RASSF5: variants seen among roughly 807,000 people sequenced by gnomAD.
RASSF5 encodes the protein ras association domain-containing protein 5.
A neutral mutation model predicts 40.5 loss-of-function variants in RASSF5; 25 were observed. The ratio of observed to expected loss-of-function variants is 0.62; its 90% CI spans 0.45 to 0.86. The LOEUF is 0.86. Ranked by LOEUF, RASSF5 falls within the 40% of genes least tolerant of loss-of-function variation. The pLI, the probability that RASSF5 is intolerant of heterozygous loss-of-function variation, is 0.00. For missense variants in RASSF5, 521 were observed against 572.8 expected, an observed-to-expected ratio of 0.91 and a Z score of 0.92; for synonymous variants, 246 against 252.4, an observed-to-expected ratio of 0.97 and a Z score of 0.24.
chr1:206,546,012 G>A (rs1459107011), intron 2 of RASSF5, among the ~76,000 whole-genome samples: 32 of 144,148 alleles, frequency 2.2e-4, no homozygotes, highest in African/African-American at 6.7e-4. Flanking sequence ...GTGCAGTGGC[G>A]CGATCTCGGC....
intron 2 of RASSF5, among the ~76,000 whole-genome samples, chr1:206,553,933 C>T (rs1667916058): frequency 6.6e-6 from 1 of 152,200 alleles, no homozygotes; most frequent in South Asian, 2.1e-4. Flanking sequence ...CATTAACTAA[C>T]AGTGTGGATA....
chr1:206,523,729 A>AT (rs1558498282), intron 1 of RASSF5, among the ~76,000 whole-genome samples: 1 of 96,196 alleles, frequency 1.0e-5, no homozygotes, highest in East Asian at 2.7e-4. Flanking sequence ...ATATTTATAT[A>AT]TTATATATAA....
chr1:206,541,563 G>A (rs1313677762), intron 2 of RASSF5, among the ~76,000 whole-genome samples: 2 of 152,182 alleles, frequency 1.3e-5, no homozygotes, highest in Non-Finnish European at 2.9e-5. Context: ...GGGTTTTGGA[G>A]TTTCTCCTTA....
In RASSF5 at chr1:206,507,616, C is replaced by T; in HGVS notation, c.14C>T (p.Ser5Phe). The T allele has an allele frequency of 6.6e-7, 1 of 1,521,412 alleles. No homozygotes were observed. The highest frequency in any genetic ancestry group is 8.8e-7 in the Non-Finnish European group (1 of 1,141,100). The allele number at this position is 1,521,412 out of a possible 1,614,324, so 94.2% of individuals were successfully genotyped here. A position where few individuals can be genotyped will look rare whatever the true frequency, so the allele number is the denominator to read the frequency against. The part of the protein sequence containing the change: MAMA[S>F]PAIGQRPYPL... ...CACTAGCCGGGCATGGCCATGGCGT[C>T]CCCGGCCATCGGGCAGCGCCCGTAC... The change falls in exon 1 of 6, where the codon TCC becomes TTC. Residue 5 changes from serine (S) to phenylalanine (F), a missense_variant. Transcript: ENST00000579436.
intron 2 of RASSF5, among the ~76,000 whole-genome samples, chr1:206,540,496 G>A (rs1033812938): frequency 3.3e-5 from 5 of 152,212 alleles, no homozygotes; most frequent in South Asian, 4.1e-4. Flanking sequence ...GAGCTGAACC[G>A]CCCCCAGTGG....
intron 2 of RASSF5, among the ~76,000 whole-genome samples, chr1:206,550,944 G>A (rs914893118): frequency 2.0e-5 from 3 of 152,178 alleles, no homozygotes; most frequent in Non-Finnish European, 4.4e-5. Flanking sequence ...GCCCCTTTCT[G>A]CCATCTTGGA....
At position 206,552,251 on chromosome 1, in the gene RASSF5, T is replaced by C. The variant is rs2103534477; in HGVS notation, c.579+13958T>C. On this transcript the variant is annotated intron_variant, in intron 2 of 5. Transcript: ENST00000579436. The surrounding 1 kb of genome is among the most constrained non-coding windows in gnomAD (Gnocchi z 4.1). ...CGAGCTCTCTGCTGTACACAGCCAT[T>C]GAATGCTGAAAATTGCTACCCTAGG... Among the ~76,000 whole-genome samples, 1 of 152,312 alleles carries C rather than the reference T, an allele frequency of 6.6e-6. No individual in the cohort carries two copies. Among genetic ancestry groups the C allele is most frequent in the Non-Finnish European group, 1.5e-5 (1 of 68,014 alleles).
Position 206,579,691 on chromosome 1 carries a change from C to T in RASSF5, c.580-3578C>T, listed in dbSNP as rs1553405867. On this transcript the variant is annotated intron_variant, in intron 2 of 5. Transcript: ENST00000579436. This position sits in a 1 kb window ranked among gnomAD's most constrained non-coding sequence, Gnocchi z 4.2. ...TAAAATTCCCATGCCCAGACTGCAC[C>T]CCAGACCAATTAAATCAGAATCTCC... is the stretch of plus-strand genomic sequence containing the variant. Among the ~76,000 whole-genome samples the T allele has an allele frequency of 1.3e-5, 2 of 152,116 alleles. No individual in the cohort carries two copies. Among genetic ancestry groups the T allele is most frequent in the African/African-American group, 4.8e-5 (2 of 41,412 alleles).
At chr1:206,517,014 A>G (rs920502808) in intron 1 of RASSF5, among the ~76,000 whole-genome samples, 22 of 152,174 alleles carry the variant, frequency 1.4e-4, no homozygotes, top group African/African-American at 5.3e-4. Context: ...GAGGGCCACA[A>G]CAAAGGCCAT....
At chr1:206,547,604 T>G (rs1553400436) in intron 2 of RASSF5, among the ~76,000 whole-genome samples, 1 of 151,990 alleles carries the variant, frequency 6.6e-6, no homozygotes, top group East Asian at 1.9e-4. Context: ...CATTATATAT[T>G]GCAATGTAAT....
In RASSF5 at chr1:206,522,638, T is replaced by C. The variant is rs782290450; in HGVS notation, c.457+14579T>C. Among the ~76,000 whole-genome samples, 43 of 152,282 alleles carry C rather than the reference T, an allele frequency of 2.8e-4. 1 individual carries two copies. The highest frequency in any genetic ancestry group is 6.8e-3 in the Middle Eastern group (2 of 294). On this transcript the variant is annotated intron_variant, in intron 1 of 5. Transcript: ENST00000579436. The stretch of plus-strand genomic sequence containing the variant: ...GGATTCTCAGGACTGCTCTGTGATG[T>C]GCACTGAGGGCCTGCAGACTTTCCC...
At chr1:206,508,222 G>A (rs1460423936) in intron 1 of RASSF5, among the ~76,000 whole-genome samples, 163 bp downstream of exon 1, 3 of 152,200 alleles carry the variant, frequency 2.0e-5, no homozygotes, top group African/African-American at 7.2e-5. Context: ...CCGCTCCTTA[G>A]TTCCCTGCCC....
intron 1 of RASSF5, chr1:206,528,938 G>A (rs576875205): frequency 9.6e-6 from 6 of 622,414 alleles, no homozygotes; most frequent in Non-Finnish European, 1.7e-5. Context: ...AGAAGGCCAA[G>A]GGGAAGAAGG....
Position 206,586,721 on chromosome 1 carries a change from G to A in RASSF5, c.1105-105G>A. On this transcript the variant is annotated intron_variant, in intron 5 of 5. Transcript: ENST00000579436. ...AGTAGCAAACTGTGTGTGAATCACG[G>A]ATGTGAACTGGGAAGGGGAAGGCAG... 10 of 857,988 alleles carry A rather than the reference G, an allele frequency of 1.2e-5. 1 individual carries two copies. In the South Asian group the frequency reaches 1.3e-4, roughly 11 times the overall value. The allele number at this position is 857,988 out of a possible 1,614,324, so 53.1% of individuals were successfully genotyped here.
At chr1:206,520,435 C>T (rs141303602) in intron 1 of RASSF5, among the ~76,000 whole-genome samples, 2,103 of 152,134 alleles carry the variant, frequency 0.014, 30 homozygotes, top group South Asian at 0.06. Flanking sequence ...GGCGAAACCC[C>T]GTCTCTACTA....
chr1:206,576,371 C>T (rs947101105), intron 2 of RASSF5, among the ~76,000 whole-genome samples: 5 of 152,206 alleles, frequency 3.3e-5, no homozygotes, highest in Non-Finnish European at 5.9e-5. Context: ...GTGAGCCTAG[C>T]TGTCTACCTC....
At chr1:206,529,010 G>A (rs1553397599) in intron 1 of RASSF5, 4 of 716,518 alleles carry the variant, frequency 5.6e-6, no homozygotes, top group African/African-American at 3.5e-5. Flanking sequence ...TTGAGAAAAG[G>A]CCTAAGAATT....
rs934296914 is a variant in RASSF5, at chr1:206,533,474, G to C, written c.458-4698G>C. On this transcript the variant is annotated intron_variant, in intron 1 of 5. Coordinates refer to ENST00000579436, the MANE Select transcript of RASSF5 (RefSeq NM_182663.4). The stretch of plus-strand genomic sequence containing the variant: ...TGATATACTTAAGTCCTAACGCCCA[G>C]GCTGAGCATGGTGAATCATGCCTGT... 3.3e-5 allele frequency among the ~76,000 whole-genome samples: 5 copies of C among 152,182 alleles called. No homozygotes were observed. The South Asian group carries it at 8.3e-4, about 25-fold the overall frequency.
intron 2 of RASSF5, among the ~76,000 whole-genome samples, chr1:206,547,922 T>C (rs899379948): frequency 6.6e-6 from 1 of 152,228 alleles, no homozygotes; most frequent in East Asian, 1.9e-4. Context: ...TGAAGGACTT[T>C]CTTTAACATT....
Sources: allele counts gnomAD v4.1 joint callset (sites outside exome capture counted in the v4.1 genomes callset), GRCh38; gene constraint gnomAD v4.1.1; non-coding constraint Gnocchi (gnomAD v3.1); transcripts MANE v1.5; gene names NCBI Gene and HGNC (gene_info 2026-07-23, HGNC 2026-07-21).